The following CEP83 variants were observed in gnomAD, a reference collection of about 807,000 sequenced individuals.
The protein encoded by CEP83 is centrosomal protein of 83 kDa.
CEP83 carries 70 observed loss-of-function variants against 101.9 expected under a neutral mutation model. The observed-to-expected ratio is 0.69, with a 90% CI of 0.57 to 0.84. The LOEUF (loss-of-function observed/expected upper bound fraction) is 0.84, where lower values mean the gene tolerates loss of function less well. Ranked by LOEUF, CEP83 falls within the 40% of genes least tolerant of loss-of-function variation. The probability of loss-of-function intolerance (pLI) is 0.00; values close to 1 mark genes in which losing one functional copy is unlikely to be tolerated. For synonymous variants in CEP83, 264 were observed against 267.9 expected, an observed-to-expected ratio of 0.99 and a Z score of 0.14; for missense variants, 715 against 787.2, an observed-to-expected ratio of 0.91 and a Z score of 1.10.
chr12:94,305,309 T>C, downstream of CEP83: 1 of 1,473,892 alleles, frequency 6.8e-7, no homozygotes, highest in Non-Finnish European at 9.4e-7. Context: ...TGGCTTAATC[T>C]GGCAAAGTTC....
intron 6 of CEP83, among the ~76,000 whole-genome samples, chr12:94,383,932 A>C (rs1252334795): frequency 2.0e-5 from 3 of 152,044 alleles, no homozygotes; most frequent in Non-Finnish European, 4.4e-5. Flanking sequence ...TATTTTCTCT[A>C]TATATTTAGA....
chr12:94,323,944 AG>A (rs2058858218), intron 14 of CEP83, among the ~76,000 whole-genome samples: 1 of 152,230 alleles, frequency 6.6e-6, no homozygotes, highest in South Asian at 2.1e-4. Context: ...AGATCACAAT[AG>A]TTTTCCTTCT....
intron 14 of CEP83, among the ~76,000 whole-genome samples, chr12:94,316,241 A>G (rs550627953): frequency 2.6e-5 from 4 of 152,112 alleles, no homozygotes; most frequent in Non-Finnish European, 5.9e-5. Flanking sequence ...TATTTTAGGT[A>G]TTTTTATGCT....
At chr12:94,398,117 T>C (rs936387394) in intron 6 of CEP83, among the ~76,000 whole-genome samples, 3 of 152,190 alleles carry the variant, frequency 2.0e-5, no homozygotes, top group Non-Finnish European at 2.9e-5. Context: ...GAGTACAACA[T>C]TGAACATGGA....
chr12:94,338,029 G>A lies in CEP83; in HGVS notation c.1344-2365C>T, dbSNP rs140951759. Among the ~76,000 whole-genome samples, 119 of 152,282 alleles carry A rather than the reference G, an allele frequency of 7.8e-4. 1 individual carries two copies. In the East Asian group the frequency reaches 0.022, roughly 28 times the overall value. ...GAAGAAAAAGAGAAGTCCAAAGACT[G>A]CTAATTTCAGTATCTTCAGTGACAG... On this transcript the variant is annotated intron_variant, in intron 11 of 16. Coordinates refer to ENST00000397809, the MANE Select transcript of CEP83 (RefSeq NM_016122.3).
intron 11 of CEP83, among the ~76,000 whole-genome samples, chr12:94,352,479 A>AAT (rs2060247745): frequency 6.6e-6 from 1 of 151,860 alleles, no homozygotes; most frequent in African/African-American, 2.4e-5. Context: ...GGAACCCAAT[A>AAT]ATACTCCAGT....
chr12:94,287,117 C>T, the CEP83 span, among the ~76,000 whole-genome samples: 2 of 152,222 alleles, frequency 1.3e-5, no homozygotes, highest in South Asian at 4.1e-4. Flanking sequence ...GAGGCAGGTG[C>T]TTTCCTTACT....
intron 6 of CEP83, among the ~76,000 whole-genome samples, chr12:94,390,219 C>T (rs2137366914): frequency 6.6e-6 from 1 of 152,264 alleles, no homozygotes; most frequent in East Asian, 1.9e-4. Context: ...TCAGTAGGGG[C>T]CAACAGACAC....
intron 2 of CEP83, among the ~76,000 whole-genome samples, chr12:94,414,003 C>T (rs1465181126): frequency 6.6e-6 from 1 of 152,128 alleles, no homozygotes; most frequent in Non-Finnish European, 1.5e-5. Flanking sequence ...TATACCATCT[C>T]TGATAAATTA....
chr12:94,346,626 A>G, intron 11 of CEP83, among the ~76,000 whole-genome samples: 1 of 152,158 alleles, frequency 6.6e-6, no homozygotes, highest in East Asian at 1.9e-4. Context: ...AATGGTGGCA[A>G]TCTTGTGGGA....
the CEP83 span, among the ~76,000 whole-genome samples, chr12:94,279,145 CTTT>C: frequency 1.3e-4 from 19 of 152,000 alleles, no homozygotes; most frequent in Admixed American, 3.3e-4. Context: ...CCTTCCAATT[CTTT>C]TTTTTCTTTT....
At chr12:94,319,046 T>C (rs1483428925) in intron 14 of CEP83, among the ~76,000 whole-genome samples, 7 of 152,200 alleles carry the variant, frequency 4.6e-5, no homozygotes, top group African/African-American at 1.4e-4. Context: ...CCCTGGGCTT[T>C]TTTTGGTTGG....
intron 7 of CEP83, among the ~76,000 whole-genome samples, chr12:94,376,747 ATT>A (rs55973264): frequency 0.012 from 1,482 of 120,178 alleles, 15 homozygotes; most frequent in Admixed American, 0.024. Flanking sequence ...ATATATATAT[ATT>A]TTTTTTTTGA....
intron 13 of CEP83, 116 bp downstream of exon 13, chr12:94,333,366 A>G: frequency 1.2e-6 from 1 of 826,244 alleles, no homozygotes; most frequent in Non-Finnish European, 1.9e-6. Context: ...GTACACTATT[A>G]AAGTGTATTT....
At chr12:94,311,703 GC>G (rs999313866) in intron 15 of CEP83, among the ~76,000 whole-genome samples, 3 of 152,302 alleles carry the variant, frequency 2.0e-5, no homozygotes, top group Admixed American at 2.0e-4. Flanking sequence ...CAAAGGTGAA[GC>G]TACACAACTT....
chr12:94,367,980 T>A (rs754341427), intron 10 of CEP83, 37 bp from the exon 11 acceptor site: 86 of 1,607,308 alleles, frequency 5.4e-5, no homozygotes, highest in Non-Finnish European at 7.2e-5. Context: ...ACAAGAACTA[T>A]AATAAAGATG....
At chr12:94,394,669 A>G (rs2062770072) in intron 6 of CEP83, among the ~76,000 whole-genome samples, 1 of 152,236 alleles carries the variant, frequency 6.6e-6, no homozygotes, top group Non-Finnish European at 1.5e-5. Context: ...AAAAGAAATT[A>G]CCATCAGAGT....
chr12:94,421,897 G>A (rs2064782203), intron 2 of CEP83, among the ~76,000 whole-genome samples: 1 of 152,174 alleles, frequency 6.6e-6, no homozygotes, highest in Admixed American at 6.5e-5. Context: ...ATAAATAGTA[G>A]CCTCTCTTAG....
intron 2 of CEP83, among the ~76,000 whole-genome samples, chr12:94,414,546 A>G (rs1190605354): frequency 6.6e-6 from 1 of 152,222 alleles, no homozygotes; most frequent in East Asian, 1.9e-4. Context: ...CAATTAAGGT[A>G]TCTACATTTT....
Sources: allele counts gnomAD v4.1 joint callset (sites outside exome capture counted in the v4.1 genomes callset), GRCh38; gene constraint gnomAD v4.1.1; transcripts MANE v1.5; gene names NCBI Gene and HGNC (gene_info 2026-07-23, HGNC 2026-07-21).